The following RP1 variants were observed in gnomAD, a reference collection of about 807,000 sequenced individuals.
RP1 encodes oxygen-regulated protein 1.
Under a neutral mutation model 14.8 loss-of-function variants are expected in RP1, and 16 were observed. The ratio of observed to expected loss-of-function variants is 1.08; its 90% CI spans 0.73 to 1.65. The LOEUF (loss-of-function observed/expected upper bound fraction) is 1.65, where lower values mean the gene tolerates loss of function less well. Among genes scored for constraint, RP1 ranks in the 40% most tolerant of loss-of-function variants. The probability of loss-of-function intolerance (pLI) is 0.00; values close to 1 mark genes in which losing one functional copy is unlikely to be tolerated. For synonymous variants in RP1, 876 were observed against 883.6 expected (o/e 0.99, Z 0.15); for missense variants, 2,631 against 2,535.0 (o/e 1.04, Z -0.81).
intron 8 of RP1, among the ~76,000 whole-genome samples, chr8:54,675,224 C>T (rs562910256): frequency 6.6e-6 from 1 of 152,010 alleles, no homozygotes; most frequent in Admixed American, 6.5e-5. Context: ...TAGTTTTAAC[C>T]TTATTATAAG....
chr8:54,649,615 G>A (rs1806616116), intron 4 of RP1, among the ~76,000 whole-genome samples: 1 of 152,344 alleles, frequency 6.6e-6, no homozygotes, highest in South Asian at 2.1e-4. Flanking sequence ...AGGGAGACCA[G>A]TGCCATGTTG....
At chr8:54,818,566 T>C (rs971832349) in intron 24 of RP1, among the ~76,000 whole-genome samples, 5 of 152,110 alleles carry the variant, frequency 3.3e-5, no homozygotes, top group Non-Finnish European at 7.4e-5. Flanking sequence ...GACTTCTAAG[T>C]GGAGGTGAGT....
At chr8:54,682,340 A>C (rs565056353) in intron 12 of RP1, among the ~76,000 whole-genome samples, 1 of 151,924 alleles carries the variant, frequency 6.6e-6, no homozygotes, top group Non-Finnish European at 1.5e-5. Flanking sequence ...TGCTGCACCT[A>C]TCAACCCATC....
exon 29 of RP1, chr8:54,870,043 G>A (rs1267183815): frequency 2.0e-6 from 1 of 506,892 alleles, no homozygotes; most frequent in African/African-American, 2.0e-5. Flanking sequence ...CAAACACCTG[G>A]GGAGGGTCAG....
chr8:54,721,854 T>G (rs567679428), intron 16 of RP1, among the ~76,000 whole-genome samples: 1 of 152,188 alleles, frequency 6.6e-6, no homozygotes, highest in East Asian at 1.9e-4. Context: ...AAAATAATAC[T>G]TTCCAGTTTC....
chr8:54,575,085 A>G (rs1804612345), intron 1 of RP1, among the ~76,000 whole-genome samples: 2 of 152,236 alleles, frequency 1.3e-5, no homozygotes, highest in African/African-American at 4.8e-5. Context: ...TATTTTATCT[A>G]GAGCTGTTCA....
intron 1 of RP1, among the ~76,000 whole-genome samples, chr8:54,604,939 A>C (rs1471025882): frequency 2.7e-5 from 4 of 150,600 alleles, no homozygotes; most frequent in East Asian, 1.9e-4. Flanking sequence ...TTTCTTCTTT[A>C]TTAGTCTTGC....
At chr8:54,841,608 G>T (rs775771505) in intron 25 of RP1, among the ~76,000 whole-genome samples, 4 of 152,224 alleles carry the variant, frequency 2.6e-5, no homozygotes, top group Non-Finnish European at 5.9e-5. Flanking sequence ...TCTCCTCCCA[G>T]AGGCCAGCAC....
intron 19 of RP1, among the ~76,000 whole-genome samples, chr8:54,747,801 C>T (rs1037004841): frequency 6.6e-6 from 1 of 152,100 alleles, no homozygotes; most frequent in Non-Finnish European, 1.5e-5. Flanking sequence ...GCACTCCAGC[C>T]TGGGTGACAG....
intron 24 of RP1, among the ~76,000 whole-genome samples, chr8:54,821,479 G>A (rs942322229): frequency 6.6e-6 from 1 of 152,174 alleles, no homozygotes; most frequent in African/African-American, 2.4e-5. Flanking sequence ...ATGGGGGTTT[G>A]ATTCCACATT....
intron 19 of RP1, among the ~76,000 whole-genome samples, chr8:54,743,738 A>G (rs1442523028): frequency 2.0e-5 from 3 of 151,960 alleles, no homozygotes; most frequent in South Asian, 2.1e-4. Flanking sequence ...GGAATTACCT[A>G]TTTCTCAAGG....
intron 11 of RP1, chr8:54,679,674 A>C: frequency 6.5e-7 from 1 of 1,532,476 alleles, no homozygotes. Flanking sequence ...AACAATGTTC[A>C]AATGACTATT....
intron 24 of RP1, among the ~76,000 whole-genome samples, chr8:54,824,833 T>C (rs566025583): frequency 6.6e-6 from 1 of 152,378 alleles, no homozygotes; most frequent in South Asian, 2.1e-4. Flanking sequence ...TGTTAATTGA[T>C]GCAGAAGTAG....
At chr8:54,701,804 G>C (rs1193760551) in intron 14 of RP1, 2 of 725,690 alleles carry the variant, frequency 2.8e-6, no homozygotes, top group African/African-American at 1.8e-5. Context: ...TTTCCATTCT[G>C]TTTGGCAGAC....
intron 12 of RP1, among the ~76,000 whole-genome samples, chr8:54,685,882 C>T (rs771198304): frequency 1.3e-5 from 2 of 152,146 alleles, no homozygotes; most frequent in East Asian, 3.9e-4. Context: ...TGGAACCCAG[C>T]CCTCAGGTGG....
At chr8:54,767,434 A>C (rs1376374933) in intron 22 of RP1, among the ~76,000 whole-genome samples, 2 of 149,870 alleles carry the variant, frequency 1.3e-5, no homozygotes, top group Non-Finnish European at 3.0e-5. Flanking sequence ...ATCTCAGCCT[A>C]CTGCAACCTC....
At chr8:54,850,103 T>G (rs1208626601) in intron 25 of RP1, among the ~76,000 whole-genome samples, 1 of 152,190 alleles carries the variant, frequency 6.6e-6, no homozygotes, top group African/African-American at 2.4e-5. Flanking sequence ...TTTTAAAAAT[T>G]TGGCAGAAAT....
At chr8:54,752,419 T>G (rs1311165685) in intron 19 of RP1, among the ~76,000 whole-genome samples, 1 of 152,224 alleles carries the variant, frequency 6.6e-6, no homozygotes, top group African/African-American at 2.4e-5. Flanking sequence ...CCTTCCACCA[T>G]GCAGTTCGAA....
At chr8:54,800,940 A>G (rs1810690332) in intron 24 of RP1, among the ~76,000 whole-genome samples, 1 of 152,080 alleles carries the variant, frequency 6.6e-6, no homozygotes, top group Non-Finnish European at 1.5e-5. Flanking sequence ...TAGAAGCTGG[A>G]TGTGTTGTAT....
Sources: gnomAD v4.1 joint callset for allele counts (sites outside exome capture counted in the v4.1 genomes callset) on GRCh38, gnomAD v4.1.1 for gene constraint, MANE v1.5 for transcripts, NCBI Gene and HGNC (gene_info 2026-07-23, HGNC 2026-07-21) for gene names.